DAB2IP: variants seen among roughly 807,000 people sequenced by gnomAD.
DAB2IP encodes DAB2 interacting protein, also known as disabled homolog 2-interacting protein.
Under a neutral mutation model 107.2 loss-of-function variants are expected in DAB2IP, and 28 were observed. The ratio of observed to expected loss-of-function variants is 0.26; its 90% CI spans 0.19 to 0.36. The LOEUF (loss-of-function observed/expected upper bound fraction) is 0.36, where lower values mean the gene tolerates loss of function less well. DAB2IP is among the 10% of genes least tolerant of loss of function. The pLI, the probability that DAB2IP is intolerant of heterozygous loss-of-function variation, is 1.00. For missense variants in DAB2IP, 1,400 were observed against 1,644.7 expected (o/e 0.85, Z 2.57); for synonymous variants, 755 against 706.4 (o/e 1.07, Z -1.09).
At chr9:121,580,591 C>T (rs1830168360) in intron 1 of DAB2IP, among the ~76,000 whole-genome samples, 1 of 152,022 alleles carries the variant, frequency 6.6e-6, no homozygotes, top group Non-Finnish European at 1.5e-5. Flanking sequence ...GGGGAAAGGC[C>T]TGGAGTTGAG....
At chr9:121,576,608 G>A (rs1205708157) in intron 1 of DAB2IP, among the ~76,000 whole-genome samples, 1 of 152,164 alleles carries the variant, frequency 6.6e-6, no homozygotes, top group Non-Finnish European at 1.5e-5. Flanking sequence ...TCTGGGCTGT[G>A]AGCTGCTTGG....
intron 3 of DAB2IP, among the ~76,000 whole-genome samples, chr9:121,743,720 T>C (rs1261328916): frequency 1.3e-5 from 2 of 151,966 alleles, no homozygotes; most frequent in Non-Finnish European, 2.9e-5. Context: ...GGATGGTGAG[T>C]GGCCTGAGCG....
chr9:121,608,924 G>A (rs1006164998), intron 1 of DAB2IP, among the ~76,000 whole-genome samples: 1 of 151,156 alleles, frequency 6.6e-6, no homozygotes, highest in African/African-American at 2.5e-5. Flanking sequence ...GCTTTTTCTA[G>A]TTTTTGTTTG....
intron 3 of DAB2IP, among the ~76,000 whole-genome samples, chr9:121,712,629 AAG>A (rs1830391447): frequency 6.6e-6 from 1 of 152,160 alleles, no homozygotes; most frequent in Non-Finnish European, 1.5e-5. Flanking sequence ...AAAGGAGAGT[AAG>A]GGGTGGGCCT....
chr9:121,774,486 C>A (rs957706979), intron 13 of DAB2IP, 74 bp downstream of exon 13: 16 of 1,465,266 alleles, frequency 1.1e-5, no homozygotes, highest in African/African-American at 5.7e-5. Context: ...GTCTCTCCCC[C>A]AGGTCCCCCA....
chr9:121,783,206 C>A (rs1835784270), exon 16 of DAB2IP: 2 of 1,179,382 alleles, frequency 1.7e-6, no homozygotes, highest in Non-Finnish European at 2.1e-6. Flanking sequence ...CCAGATAGAC[C>A]CAGTGAGGGC....
chr9:121,588,719 A>G (rs1830363003), intron 1 of DAB2IP, among the ~76,000 whole-genome samples: 2 of 152,044 alleles, frequency 1.3e-5, no homozygotes, highest in African/African-American at 4.8e-5. Context: ...AGCCCACCCT[A>G]CACCTGGAGC....
rs1209253517 is a variant in DAB2IP at position 121,651,808 on chromosome 9, C to G, written c.33C>G (p.Thr11=). The G allele has an allele frequency of 1.4e-6, 2 of 1,461,162 alleles. No homozygotes were observed. The highest frequency in any genetic ancestry group is 1.8e-6 in the Non-Finnish European group (2 of 1,104,008). 90.5% of individuals were successfully genotyped at this position (1,461,162 alleles called of 1,614,324 possible). A position where few individuals can be genotyped will look rare whatever the true frequency, so the allele number is the denominator to read the frequency against. The change falls in exon 1 of 16, where the codon ACC becomes ACG. Residue 11 remains threonine, a synonymous_variant. Coordinates refer to ENST00000408936, the Ensembl canonical transcript of DAB2IP. The surrounding 1 kb of genome is among the most constrained non-coding windows in gnomAD (Gnocchi z 5.1). ...CGGGCGGCAGCGCCAGGAAGAGCACCGGGAGGTCCTCCTACTACTACCGGC... is the reference window on the plus strand; with the variant it reads ...CGGGCGGCAGCGCCAGGAAGAGCACGGGGAGGTCCTCCTACTACTACCGGC...
chr9:121,728,256 C>T (rs1046543986), intron 3 of DAB2IP, among the ~76,000 whole-genome samples: 3 of 152,122 alleles, frequency 2.0e-5, no homozygotes, highest in African/African-American at 7.2e-5. Flanking sequence ...CCAGGTCAGT[C>T]TGTTGATGCC....
At chr9:121,613,437 G>A (rs2777316) in intron 1 of DAB2IP, among the ~76,000 whole-genome samples, 147,201 of 152,316 alleles carry the variant, frequency 0.97, 71,381 homozygotes, top group East Asian at 1. Context: ...AAATTGAATT[G>A]CGGCAAATAA....
chr9:121,651,784 G>T lies in DAB2IP; in HGVS notation c.9G>T (p.Ala3=). 7.2e-7 allele frequency: 1 copy of T among 1,394,340 alleles called. No homozygotes were observed. 86.4% of individuals were successfully genotyped at this position (1,394,340 alleles called of 1,614,324 possible). A position where few individuals can be genotyped will look rare whatever the true frequency, so the allele number is the denominator to read the frequency against. Residue 3 remains alanine, a synonymous_variant, in exon 1 of 16, where the codon GCG becomes GCT. Coordinates refer to ENST00000408936, the Ensembl canonical transcript of DAB2IP. This position sits in a 1 kb window ranked among gnomAD's most constrained non-coding sequence, Gnocchi z 5.1. ...GCCCGGCGGGCGGCAGCATGTCCGCGGGCGGCAGCGCCAGGAAGAGCACCG... is the reference window on the plus strand; with the variant it reads ...GCCCGGCGGGCGGCAGCATGTCCGCTGGCGGCAGCGCCAGGAAGAGCACCG...
intron 1 of DAB2IP, among the ~76,000 whole-genome samples, chr9:121,601,642 T>C (rs1004517198): frequency 2.6e-5 from 4 of 152,338 alleles, no homozygotes; most frequent in Middle Eastern, 3.4e-3. Flanking sequence ...GTGTTTATTA[T>C]ATGCCAGACC....
intron 2 of DAB2IP, among the ~76,000 whole-genome samples, chr9:121,686,190 C>G (rs991491510): frequency 4.1e-4 from 62 of 152,270 alleles, no homozygotes; most frequent in African/African-American, 1.4e-3. Context: ...TTCCAACCCC[C>G]CCAACATCTG....
At chr9:121,710,611 G>T (rs1046770570) in intron 3 of DAB2IP, among the ~76,000 whole-genome samples, 1 of 152,184 alleles carries the variant, frequency 6.6e-6, no homozygotes, top group African/African-American at 2.4e-5. Flanking sequence ...GTACAAGAAG[G>T]GGTCGTGGCT....
intron 1 of DAB2IP, among the ~76,000 whole-genome samples, chr9:121,580,379 A>T (rs144147765): frequency 0.014 from 2,191 of 152,262 alleles, 70 homozygotes; most frequent in African/African-American, 0.05. Flanking sequence ...CTGACCTTAA[A>T]GATAACCAGA....
At chr9:121,600,134 G>A (rs1466668129) in intron 1 of DAB2IP, among the ~76,000 whole-genome samples, 1 of 152,060 alleles carries the variant, frequency 6.6e-6, no homozygotes, top group Non-Finnish European at 1.5e-5. Context: ...CCAGCCTACC[G>A]ATCCCCAAGG....
intron 2 of DAB2IP, among the ~76,000 whole-genome samples, chr9:121,692,839 G>C (rs150474247): frequency 6.6e-6 from 1 of 152,190 alleles, no homozygotes; most frequent in Non-Finnish European, 1.5e-5. Context: ...AGAGAAGCCC[G>C]GCAGCCTGCT....
intron 13 of DAB2IP, among the ~76,000 whole-genome samples, chr9:121,774,942 T>C (rs906470231): frequency 6.6e-6 from 1 of 152,164 alleles, no homozygotes; most frequent in Non-Finnish European, 1.5e-5. Flanking sequence ...AGTTACCAGC[T>C]TGGGGGGTGG....
intron 1 of DAB2IP, among the ~76,000 whole-genome samples, chr9:121,573,077 T>C (rs1454251482): frequency 6.6e-6 from 1 of 152,080 alleles, no homozygotes; most frequent in African/African-American, 2.4e-5. Flanking sequence ...TTTTGGTTTG[T>C]TTGTTTGTTT....
Sources: gnomAD v4.1 joint callset for allele counts (sites outside exome capture counted in the v4.1 genomes callset) on GRCh38, gnomAD v4.1.1 for gene constraint, Gnocchi (gnomAD v3.1) non-coding constraint, MANE v1.5 for transcripts, NCBI Gene and HGNC (gene_info 2026-07-23, HGNC 2026-07-21) for gene names.